ANKRD55: variants seen among roughly 807,000 people sequenced by gnomAD.
The protein encoded by ANKRD55 is ankyrin repeat domain-containing protein 55.
ANKRD55 carries 41 observed loss-of-function variants against 60.6 expected under a neutral mutation model. The observed-to-expected ratio is 0.68, with a 90% CI of 0.53 to 0.88. The LOEUF (loss-of-function observed/expected upper bound fraction) is 0.88. Among genes scored for constraint, ANKRD55 ranks in the 40% least tolerant of loss-of-function variants. The pLI, the probability that ANKRD55 is intolerant of heterozygous loss-of-function variation, is 0.00. For synonymous variants in ANKRD55, 264 were observed against 290.3 expected (o/e 0.91, Z 0.92); for missense variants, 732 against 767.6 (o/e 0.95, Z 0.55).
intron 11 of ANKRD55, among the ~76,000 whole-genome samples, chr5:56,101,543 A>G (rs1228158541): frequency 2.0e-5 from 3 of 152,194 alleles, no homozygotes; most frequent in African/African-American, 7.2e-5. Context: ...AATGGGAATA[A>G]TAATAAAACT....
chr5:56,118,995 G>A (rs1580949460), intron 8 of ANKRD55, among the ~76,000 whole-genome samples: 3 of 152,328 alleles, frequency 2.0e-5, no homozygotes, highest in Non-Finnish European at 4.4e-5. Flanking sequence ...GGTAAGAGCT[G>A]CTCTGGAAAA....
At chr5:56,104,472 A>G (rs141893418) in intron 10 of ANKRD55, among the ~76,000 whole-genome samples, 19 of 152,210 alleles carry the variant, frequency 1.2e-4, no homozygotes, top group African/African-American at 4.3e-4. Context: ...ACTTTATTCC[A>G]TGTTGGCATT....
At chr5:56,106,419 G>GTTTTTTTTTTTTTTTTT (rs1561248216) in intron 10 of ANKRD55, among the ~76,000 whole-genome samples, 11 of 106,850 alleles carry the variant, frequency 1.0e-4, no homozygotes, top group African/African-American at 4.9e-4. Context: ...GGCTAGGAAA[G>GTTTTTTTTTTTTTTTTT]CTTTTTTTTT....
At chr5:56,107,462 G>T (rs1756517344) in intron 10 of ANKRD55, among the ~76,000 whole-genome samples, 1 of 152,134 alleles carries the variant, frequency 6.6e-6, no homozygotes, top group Non-Finnish European at 1.5e-5. Flanking sequence ...CAAATAAGAT[G>T]GAAATTTTTG....
intron 5 of ANKRD55, chr5:56,162,063 A>G (rs537477961): frequency 2.0e-6 from 2 of 984,950 alleles, no homozygotes; most frequent in East Asian, 1.1e-4. Context: ...TCTAGGGCCC[A>G]TTTGGTCTGA....
intron 7 of ANKRD55, among the ~76,000 whole-genome samples, chr5:56,139,872 G>C (rs1487101282): frequency 2.0e-5 from 3 of 152,100 alleles, no homozygotes; most frequent in Non-Finnish European, 4.4e-5. Context: ...AGGAGTTCAA[G>C]ACCAGCATAG....
intron 7 of ANKRD55, among the ~76,000 whole-genome samples, chr5:56,135,295 C>CTTGT (rs1757548005): frequency 2.3e-4 from 1 of 4,378 alleles, no homozygotes; most frequent in East Asian, 1.6e-3. Flanking sequence ...TGCCTGCTTG[C>CTTGT]TTTCTTTCTT....
At chr5:56,131,922 A>G (rs956435853) in intron 7 of ANKRD55, among the ~76,000 whole-genome samples, 1 of 151,912 alleles carries the variant, frequency 6.6e-6, no homozygotes, top group African/African-American at 2.4e-5. Flanking sequence ...AAGGTAAAAT[A>G]AAAACTTTTA....
At position 56,139,873 on chromosome 5, in the gene ANKRD55, A is replaced by G. The variant is rs150051999; in HGVS notation, c.612+3928T>C. On this transcript the variant is annotated intron_variant, in intron 7 of 11. Transcript: ENST00000341048. ...GATCTCTTGAGTCCAGGAGTTCAAG[A>G]CCAGCATAGGCAACATGGTGAGACT... 3.0e-3 allele frequency among the ~76,000 whole-genome samples: 451 copies of G among 152,180 alleles called. 1 individual carries two copies. The highest frequency in any genetic ancestry group is 0.011 in the African/African-American group (438 of 41,514).
At chr5:56,121,529 C>T (rs558967798) in intron 8 of ANKRD55, among the ~76,000 whole-genome samples, 14 of 151,946 alleles carry the variant, frequency 9.2e-5, no homozygotes, top group Non-Finnish European at 1.6e-4. Flanking sequence ...CCCGCCACCA[C>T]ACCCAGCTAA....
At position 56,159,956 on chromosome 5, in the gene ANKRD55, G is replaced by A. The variant is rs1758285023; in HGVS notation, c.423-63C>T. On this transcript the variant is annotated intron_variant, in intron 5 of 11. Coordinates refer to ENST00000341048, the MANE Select transcript of ANKRD55 (RefSeq NM_024669.3). Reference sequence around the variant, plus strand: ...AGGCAGTCACGGTGCTCTTGGAATCGGTATAAAAACATGACCTTAGAAAAA... The same window carrying A: ...AGGCAGTCACGGTGCTCTTGGAATCAGTATAAAAACATGACCTTAGAAAAA... 3.4e-6 allele frequency: 5 copies of A among 1,463,764 alleles called. 1 individual carries two copies. The highest frequency in any genetic ancestry group is 2.3e-5 in the South Asian group (2 of 87,728). 90.7% of individuals were successfully genotyped at this position (1,463,764 alleles called of 1,614,324 possible). A position where few individuals can be genotyped will look rare whatever the true frequency, so the allele number is the denominator to read the frequency against.
At chr5:56,199,624 C>T (rs918287825) in intron 2 of ANKRD55, among the ~76,000 whole-genome samples, 5 of 150,764 alleles carry the variant, frequency 3.3e-5, no homozygotes, top group African/African-American at 9.8e-5. Context: ...GGTTTGGTGG[C>T]TCACGCCTGT....
intron 9 of ANKRD55, among the ~76,000 whole-genome samples, chr5:56,115,032 A>G (rs1756844788): frequency 1.3e-5 from 2 of 151,792 alleles, no homozygotes; most frequent in South Asian, 4.2e-4. Context: ...AAAAATAAAA[A>G]ACCAAAAAAC....
intron 5 of ANKRD55, among the ~76,000 whole-genome samples, chr5:56,160,422 G>A (rs947537085): frequency 1.3e-5 from 2 of 152,116 alleles, no homozygotes; most frequent in African/African-American, 2.4e-5. Context: ...CTATTTTTTA[G>A]TAGAGACGGG....
At chr5:56,163,259 C>T (rs2111799089) in intron 5 of ANKRD55, among the ~76,000 whole-genome samples, 1 of 152,302 alleles carries the variant, frequency 6.6e-6, no homozygotes, top group South Asian at 2.1e-4. Context: ...CATACAGTGG[C>T]TCAGTGATAC....
intron 5 of ANKRD55, among the ~76,000 whole-genome samples, chr5:56,165,547 G>T (rs966684649): frequency 2.6e-5 from 4 of 152,162 alleles, no homozygotes; most frequent in African/African-American, 9.7e-5. Context: ...CACGGACAAT[G>T]TACTAGGTGC....
rs558258458 is a variant in ANKRD55, at chr5:56,110,975, T to G, written c.1630+143A>C. The G allele has an allele frequency of 1.4e-5, 13 of 931,288 alleles. No homozygotes were observed. In the East Asian group the frequency reaches 2.8e-4, roughly 20 times the overall value. The allele number at this position is 931,288 out of a possible 1,614,324, so 57.7% of individuals were successfully genotyped here. A position where few individuals can be genotyped will look rare whatever the true frequency, so the allele number is the denominator to read the frequency against. ...CAGAAATCTCAAATCCAGTGCACTT[T>G]GGGAGAAAAGGTGGCTCTAATCACT... On this transcript the variant is annotated intron_variant, in intron 10 of 11. Coordinates refer to ENST00000341048, the MANE Select transcript of ANKRD55 (RefSeq NM_024669.3).
At chr5:56,135,236 TTCCTTCC>T (rs1757529558) in intron 7 of ANKRD55, among the ~76,000 whole-genome samples, 1 of 109,056 alleles carries the variant, frequency 9.2e-6, no homozygotes, top group Non-Finnish European at 2.0e-5. Context: ...CCTTCCTTCC[TTCCTTCC>T]TTCCTTCCTT....
chr5:56,139,890 G>A (rs1453074070), intron 7 of ANKRD55, among the ~76,000 whole-genome samples: 5 of 152,030 alleles, frequency 3.3e-5, no homozygotes, highest in Admixed American at 1.3e-4. Context: ...TAGGCAACAT[G>A]GTGAGACTTT....
Sources: gnomAD v4.1 joint callset for allele counts (sites outside exome capture counted in the v4.1 genomes callset) on GRCh38, gnomAD v4.1.1 for gene constraint, MANE v1.5 for transcripts, NCBI Gene and HGNC (gene_info 2026-07-23, HGNC 2026-07-21) for gene names.